Variants in ASCC3 observed in about 807,000 individuals in gnomAD.
ASCC3 encodes the protein activating signal cointegrator 1 complex subunit 3.
Under a neutral mutation model 256.3 loss-of-function variants are expected in ASCC3, and 158 were observed. The ratio of observed to expected loss-of-function variants is 0.62; its 90% CI spans 0.54 to 0.70. ASCC3 has a LOEUF of 0.70. Ranked by LOEUF, ASCC3 falls within the 30% of genes least tolerant of loss-of-function variation. The pLI is 0.00. For missense variants in ASCC3, 2,259 were observed against 2,626.0 expected (o/e 0.86, Z 3.05); for synonymous variants, 948 against 883.4 (o/e 1.07, Z -1.30).
chr6:100,864,302 A>G, intron 2 of ASCC3, 88 bp from the exon 3 acceptor site: 3 of 1,141,986 alleles, frequency 2.6e-6, no homozygotes, highest in Non-Finnish European at 3.8e-6. Context: ...ATTACATTAT[A>G]CAACTTGGTA....
chr6:100,560,326 G>A (rs1045512869), intron 36 of ASCC3, among the ~76,000 whole-genome samples: 2 of 152,016 alleles, frequency 1.3e-5, no homozygotes, highest in African/African-American at 2.4e-5. Flanking sequence ...CAGATGTCAG[G>A]GAAGATCCCA....
intron 12 of ASCC3, among the ~76,000 whole-genome samples, chr6:100,717,784 A>T (rs1779153745): frequency 6.6e-6 from 1 of 152,126 alleles, no homozygotes; most frequent in Non-Finnish European, 1.5e-5. Context: ...CGTCAAAATA[A>T]CGTAAAACTT....
intron 11 of ASCC3, among the ~76,000 whole-genome samples, chr6:100,723,939 TACACAC>T (rs201590643): frequency 7.1e-6 from 1 of 141,550 alleles, no homozygotes; most frequent in African/African-American, 2.6e-5. Context: ...TATATATATA[TACACAC>T]ACACATGCAT....
At chr6:100,815,532 T>C (rs9498395) in intron 4 of ASCC3, among the ~76,000 whole-genome samples, 2,983 of 152,098 alleles carry the variant, frequency 0.02, 92 homozygotes, top group African/African-American at 0.069. Context: ...ATGGCTACCA[T>C]AACCAAAACA....
intron 16 of ASCC3, among the ~76,000 whole-genome samples, chr6:100,661,154 T>C (rs1414219816): frequency 6.6e-6 from 1 of 151,750 alleles, no homozygotes; most frequent in Non-Finnish European, 1.5e-5. Flanking sequence ...AATACTGAAC[T>C]AGCAAAGTGT....
intron 4 of ASCC3, among the ~76,000 whole-genome samples, chr6:100,819,281 T>G (rs1365067741): frequency 6.6e-6 from 1 of 152,122 alleles, no homozygotes; most frequent in African/African-American, 2.4e-5. Flanking sequence ...AACCTACACG[T>G]TGTGCACATG....
At chr6:100,745,313 C>T (rs566307848) in intron 10 of ASCC3, among the ~76,000 whole-genome samples, 7 of 149,818 alleles carry the variant, frequency 4.7e-5, no homozygotes, top group East Asian at 2.0e-4. Context: ...GGTGACAGAG[C>T]GAGACTCCAT....
chr6:100,807,582 T>C (rs1284623780), intron 4 of ASCC3, among the ~76,000 whole-genome samples: 1 of 151,870 alleles, frequency 6.6e-6, no homozygotes, highest in East Asian at 1.9e-4. Context: ...CAATGGTGGG[T>C]AAAACTGCTG....
At position 100,725,522 on chromosome 6, in the gene ASCC3, A is replaced by G; in HGVS notation, c.1902+17T>C. The G allele has an allele frequency of 6.2e-7, 1 of 1,611,244 alleles. No homozygotes were observed. The highest frequency in any genetic ancestry group is 1.7e-4 in the Middle Eastern group (1 of 6,044). On this transcript the variant is annotated intron_variant, in intron 11 of 41. Transcript: ENST00000369162. ...ATTTATCCCTTCAAAATAAGCTTAT[A>G]CATAACTTCCTCTTACCTGCCGTAA...
At position 100,651,554 on chromosome 6, in the gene ASCC3, T is replaced by C. The variant is rs376866090; in HGVS notation, c.3075+6A>G. 7.1e-6 allele frequency: 11 copies of C among 1,541,318 alleles called. No homozygotes were observed. Among genetic ancestry groups the C allele is most frequent in the Middle Eastern group, 1.8e-4 (1 of 5,704 alleles). ...TGCATTTGATTCAAATTTCAAGAAATCTTACCTTAATTTGATCAAATTCTT... is the reference window on the plus strand; with the variant it reads ...TGCATTTGATTCAAATTTCAAGAAACCTTACCTTAATTTGATCAAATTCTT... On this transcript the variant is annotated splice_donor_region_variant and intron_variant, in intron 19 of 41. Transcript: ENST00000369162.
intron 8 of ASCC3, among the ~76,000 whole-genome samples, chr6:100,798,094 T>G (rs1582879155): frequency 6.6e-6 from 1 of 152,142 alleles, no homozygotes; most frequent in Admixed American, 6.6e-5. Context: ...TGAATGATTC[T>G]ATAGAACATA....
chr6:100,646,836 A>C, intron 21 of ASCC3, 67 bp from the exon 22 acceptor site: 1 of 1,494,144 alleles, frequency 6.7e-7, no homozygotes, highest in East Asian at 2.3e-5. Flanking sequence ...TCTGACTTGT[A>C]AATGGGATTT....
At chr6:100,723,459 TG>T (rs1270509648) in intron 11 of ASCC3, among the ~76,000 whole-genome samples, 6 of 151,758 alleles carry the variant, frequency 4.0e-5, no homozygotes, top group African/African-American at 1.4e-4. Context: ...CTGAGAGCTT[TG>T]TTTGAAACAA....
intron 17 of ASCC3, among the ~76,000 whole-genome samples, chr6:100,655,223 G>C (rs377428394): frequency 2.6e-4 from 39 of 151,986 alleles, no homozygotes; most frequent in Middle Eastern, 3.4e-3. Flanking sequence ...ATATGGACTT[G>C]AATAGTGGAA....
intron 35 of ASCC3, 81 bp downstream of exon 35, chr6:100,589,867 A>T: frequency 1.9e-6 from 3 of 1,591,694 alleles, no homozygotes; most frequent in Non-Finnish European, 2.6e-6. Flanking sequence ...TTTTTAAAAA[A>T]TTTTGATAGT....
At chr6:100,694,893 A>G (rs887695072) in intron 13 of ASCC3, among the ~76,000 whole-genome samples, 5 of 152,182 alleles carry the variant, frequency 3.3e-5, no homozygotes, top group African/African-American at 9.6e-5. Flanking sequence ...TAAAAGTTTG[A>G]TGAGGGGCAC....
chr6:100,612,395 C>T (rs1773446978), intron 30 of ASCC3, among the ~76,000 whole-genome samples: 1 of 151,978 alleles, frequency 6.6e-6, no homozygotes, highest in African/African-American at 2.4e-5. Flanking sequence ...TTTCTCAAAG[C>T]ATATCTGTTG....
At chr6:100,845,696 C>A (rs1167001470) in intron 4 of ASCC3, among the ~76,000 whole-genome samples, 2 of 152,140 alleles carry the variant, frequency 1.3e-5, no homozygotes, top group Non-Finnish European at 1.5e-5. Context: ...TCAGAAATCT[C>A]TCTTACACAG....
intron 36 of ASCC3, among the ~76,000 whole-genome samples, chr6:100,550,313 T>G (rs1769226423): frequency 6.6e-6 from 1 of 151,884 alleles, no homozygotes; most frequent in Admixed American, 6.6e-5. Flanking sequence ...AAACACTAAT[T>G]AATAGTATTA....
Sources: allele counts gnomAD v4.1 joint callset (sites outside exome capture counted in the v4.1 genomes callset), GRCh38; gene constraint gnomAD v4.1.1; transcripts MANE v1.5; gene names NCBI Gene and HGNC (gene_info 2026-07-23, HGNC 2026-07-21).